Variants in ANKRD18B observed in about 807,000 individuals in gnomAD.
ANKRD18B encodes ankyrin repeat domain-containing protein 18B.
A neutral mutation model predicts 111.8 loss-of-function variants in ANKRD18B; 75 were observed. That is an observed-to-expected ratio of 0.67 (90% confidence interval 0.56 to 0.81). The LOEUF (loss-of-function observed/expected upper bound fraction) is 0.81, where lower values mean the gene tolerates loss of function less well. Ranked by LOEUF, ANKRD18B falls within the 40% of genes least tolerant of loss-of-function variation. The pLI, the probability that ANKRD18B is intolerant of heterozygous loss-of-function variation, is 0.00. For synonymous variants in ANKRD18B, 356 were observed against 417.3 expected (o/e 0.85, Z 1.79); for missense variants, 1,038 against 1,225.5 (o/e 0.85, Z 2.28).
intron 14 of ANKRD18B, 66 bp from the exon 15 acceptor site, chr9:33,566,153 A>G (rs1310916180): frequency 7.2e-6 from 10 of 1,379,526 alleles, no homozygotes; most frequent in South Asian, 1.4e-5. Context: ...AAAATTTGCT[A>G]TTGGTTTTGT....
At position 33,541,192 on chromosome 9, in the gene ANKRD18B, GAA is replaced by G; in HGVS notation, c.1049_1050del (p.Lys350IlefsTer25). 2 of 1,541,792 alleles carry G rather than the reference GAA, an allele frequency of 1.3e-6. No homozygotes were observed. The highest frequency in any genetic ancestry group is 2.4e-5 in the South Asian group (2 of 81,792). ...GAAAATTTGAAAAAAAGAAAAAAAA[GAA>G]AAAAATTGAAAAAAAGAAAAGAAGG... On this transcript the variant is annotated frameshift_variant, in exon 9 of 19. Transcript: ENST00000684830. LOFTEE classifies it high-confidence loss of function.
chr9:33,524,762 G>A, intron 1 of ANKRD18B, 67 bp downstream of exon 1: 2 of 1,499,296 alleles, frequency 1.3e-6, no homozygotes. Flanking sequence ...CGCCTGAGGC[G>A]GGGTCGTCGG....
chr9:33,554,720 G>T (rs1391297194), intron 12 of ANKRD18B, among the ~76,000 whole-genome samples: 1 of 152,110 alleles, frequency 6.6e-6, no homozygotes, highest in Non-Finnish European at 1.5e-5. Flanking sequence ...TACACAGGAG[G>T]ATATCTTTAT....
intron 18 of ANKRD18B, chr9:33,571,835 C>T (rs1828784070): frequency 1.9e-5 from 3 of 155,902 alleles, no homozygotes; most frequent in Admixed American, 1.3e-4. Flanking sequence ...CTCTTTCTGG[C>T]AAGATTTTCC....
At chr9:33,541,109 T>C in intron 8 of ANKRD18B, 38 bp from the exon 9 acceptor site, 1 of 1,537,054 alleles carries the variant, frequency 6.5e-7, no homozygotes. Flanking sequence ...GATGATGTTT[T>C]CCAGAAGGAA....
At chr9:33,535,017 G>A (rs1298301054) in intron 5 of ANKRD18B, among the ~76,000 whole-genome samples, 1 of 151,804 alleles carries the variant, frequency 6.6e-6, no homozygotes, top group East Asian at 1.9e-4. Flanking sequence ...TACCTCCTAT[G>A]CCTTCCTCCT....
intron 14 of ANKRD18B, among the ~76,000 whole-genome samples, chr9:33,558,505 T>C (rs1279547724): frequency 2.0e-5 from 3 of 152,186 alleles, no homozygotes; most frequent in Non-Finnish European, 4.4e-5. Context: ...AGTTCATCCA[T>C]GTCCCTGCAA....
At chr9:33,538,399 G>A (rs1240334397) in intron 6 of ANKRD18B, among the ~76,000 whole-genome samples, 3 of 151,994 alleles carry the variant, frequency 2.0e-5, no homozygotes, top group Admixed American at 2.0e-4. Context: ...GTTTTTTTAT[G>A]TGCTGGATAA....
At chr9:33,561,514 C>T (rs1457095722) in intron 14 of ANKRD18B, among the ~76,000 whole-genome samples, 1 of 152,190 alleles carries the variant, frequency 6.6e-6, no homozygotes, top group Non-Finnish European at 1.5e-5. Context: ...ATACTGTCTT[C>T]TCAGGCACAG....
intron 10 of ANKRD18B, among the ~76,000 whole-genome samples, 200 bp from the exon 11 acceptor site, chr9:33,547,738 T>G (rs1219880564): frequency 6.6e-6 from 1 of 150,878 alleles, no homozygotes; most frequent in East Asian, 2.0e-4. Flanking sequence ...TATGGATTCA[T>G]TGACTTCAAA....
chr9:33,533,693 A>G, intron 4 of ANKRD18B, 148 bp downstream of exon 4: 1 of 1,390,008 alleles, frequency 7.2e-7, no homozygotes, highest in Non-Finnish European at 9.4e-7. Flanking sequence ...ATCAGGTAGA[A>G]AAGAAGTTAT....
chr9:33,555,607 C>T, intron 12 of ANKRD18B, 101 bp from the exon 13 acceptor site: 1 of 942,614 alleles, frequency 1.1e-6, no homozygotes, highest in Non-Finnish European at 1.4e-6. Context: ...TATACAACTG[C>T]CTAAATACAT....
intron 13 of ANKRD18B, among the ~76,000 whole-genome samples, chr9:33,557,763 G>A (rs547232180): frequency 5.9e-5 from 9 of 151,532 alleles, no homozygotes; most frequent in African/African-American, 2.2e-4. Flanking sequence ...ACTTCAGCCT[G>A]AGCAAAAAGA....
chr9:33,572,875 C>G lies in ANKRD18B; in HGVS notation c.*441C>G. The G allele has an allele frequency of 2.6e-6, 1 of 379,914 alleles. No homozygotes were observed. The highest frequency in any genetic ancestry group is 1.0e-4 in the South Asian group (1 of 9,524). 23.5% of individuals were successfully genotyped at this position (379,914 alleles called of 1,614,324 possible). A position where few individuals can be genotyped will look rare whatever the true frequency, so the allele number is the denominator to read the frequency against. ...AAATATCTGGTTACTCCTCAAAACC[C>G]ACTAGATTTAGCATTTCATGGATGA... On this transcript the variant is annotated 3_prime_UTR_variant, in exon 19 of 19. Coordinates refer to ENST00000684830, the MANE Select transcript of ANKRD18B (RefSeq NM_001393611.1).
intron 17 of ANKRD18B, among the ~76,000 whole-genome samples, chr9:33,569,279 T>C (rs1228569209): frequency 6.7e-6 from 1 of 149,794 alleles, no homozygotes; most frequent in Non-Finnish European, 1.5e-5. Flanking sequence ...TTTTTTTTTT[T>C]TTTGAGATGG....
Position 33,548,874 on chromosome 9 carries a change from A to C in ANKRD18B, c.2067+19A>C. 1 of 1,455,260 alleles carries C rather than the reference A, an allele frequency of 6.9e-7. No individual in the cohort carries two copies. The highest frequency in any genetic ancestry group is 9.1e-7 in the Non-Finnish European group (1 of 1,104,814). 90.1% of individuals were successfully genotyped at this position (1,455,260 alleles called of 1,614,324 possible). ...AAGAGAAGTAAGTATGAAGAAAACT[A>C]TAACCTTCTGGAAAGAAAATTTAAA... On this transcript the variant is annotated intron_variant, in intron 11 of 18. Transcript: ENST00000684830.
intron 14 of ANKRD18B, among the ~76,000 whole-genome samples, chr9:33,560,593 C>T (rs939646960): frequency 4.6e-5 from 7 of 152,204 alleles, no homozygotes; most frequent in Non-Finnish European, 8.8e-5. Context: ...TGTATGAATA[C>T]ATCAAACATT....
chr9:33,547,068 A>G (rs959686497), intron 10 of ANKRD18B, among the ~76,000 whole-genome samples: 5 of 152,218 alleles, frequency 3.3e-5, no homozygotes, highest in Non-Finnish European at 5.9e-5. Context: ...TAGTGCAGAA[A>G]AGGGAAAGGT....
chr9:33,530,795 C>G (rs990775002), intron 3 of ANKRD18B, among the ~76,000 whole-genome samples: 1 of 152,196 alleles, frequency 6.6e-6, no homozygotes, highest in African/African-American at 2.4e-5. Flanking sequence ...ACACTTTTTG[C>G]TTCCCACCAT....
Sources: allele counts gnomAD v4.1 joint callset (sites outside exome capture counted in the v4.1 genomes callset), GRCh38; gene constraint gnomAD v4.1.1; transcripts MANE v1.5; gene names NCBI Gene and HGNC (gene_info 2026-07-23, HGNC 2026-07-21).